The following SLC4A7 variants were observed in gnomAD, a reference collection of about 807,000 sequenced individuals.
SLC4A7 encodes solute carrier family 4 member 7.
SLC4A7 carries 51 observed loss-of-function variants against 137.6 expected under a neutral mutation model. The observed-to-expected ratio is 0.37, with a 90% CI of 0.30 to 0.47. The LOEUF is 0.47. SLC4A7 is among the 20% of genes least tolerant of loss of function. The probability of loss-of-function intolerance (pLI) is 1.00; values close to 1 mark genes in which losing one functional copy is unlikely to be tolerated. For synonymous variants in SLC4A7, 542 were observed against 518.6 expected, an observed-to-expected ratio of 1.05 and a Z score of -0.61; for missense variants, 1,247 against 1,525.4, an observed-to-expected ratio of 0.82 and a Z score of 3.04.
At chr3:27,399,025 G>T (rs1364927663) in intron 16 of SLC4A7, among the ~76,000 whole-genome samples, 2 of 147,978 alleles carry the variant, frequency 1.4e-5, no homozygotes, top group Admixed American at 1.3e-4. Flanking sequence ...AAAAAAAACT[G>T]AAAGGCAATC....
chr3:27,407,220 G>A (rs1007434495), intron 13 of SLC4A7, among the ~76,000 whole-genome samples: 3 of 149,970 alleles, frequency 2.0e-5, no homozygotes, highest in African/African-American at 4.9e-5. Flanking sequence ...GGTGGCTCAC[G>A]CCTGTAATCC....
At chr3:27,377,315 C>CTA (rs1461738813) in intron 25 of SLC4A7, among the ~76,000 whole-genome samples, 1 of 152,016 alleles carries the variant, frequency 6.6e-6, no homozygotes, top group Non-Finnish European at 1.5e-5. Context: ...TACATCTATT[C>CTA]TATATATTCT....
chr3:27,435,648 T>C (rs1436297879), intron 5 of SLC4A7, among the ~76,000 whole-genome samples: 1 of 152,192 alleles, frequency 6.6e-6, no homozygotes, highest in East Asian at 1.9e-4. Flanking sequence ...AAGAACAGCA[T>C]GGGCTACATG....
intron 1 of SLC4A7, among the ~76,000 whole-genome samples, chr3:27,476,895 A>C (rs115890251): frequency 3.3e-5 from 5 of 152,276 alleles, no homozygotes; most frequent in African/African-American, 4.8e-5. Context: ...TCCATTGAAC[A>C]AATATATTTG....
At chr3:27,449,188 C>T (rs1037438981) in intron 2 of SLC4A7, among the ~76,000 whole-genome samples, 3 of 151,926 alleles carry the variant, frequency 2.0e-5, no homozygotes, top group African/African-American at 7.2e-5. Flanking sequence ...GTATGAGCCA[C>T]CGCACCTGGC....
At chr3:27,419,231 G>C (rs2054689549) in intron 10 of SLC4A7, among the ~76,000 whole-genome samples, 2 of 151,988 alleles carry the variant, frequency 1.3e-5, no homozygotes, top group South Asian at 4.2e-4. Flanking sequence ...GTACAGAAAG[G>C]GAAACTGATG....
chr3:27,416,613 T>G (rs1051120780), intron 11 of SLC4A7, among the ~76,000 whole-genome samples: 2 of 152,200 alleles, frequency 1.3e-5, no homozygotes, highest in Non-Finnish European at 2.9e-5. Context: ...TTTCCAATGT[T>G]TATTGAAAAA....
intron 1 of SLC4A7, among the ~76,000 whole-genome samples, chr3:27,464,728 G>A (rs144510543): frequency 1.6e-4 from 25 of 152,020 alleles, no homozygotes; most frequent in African/African-American, 5.8e-4. Flanking sequence ...CAGCGCGGTC[G>A]CTAATGCCTG....
intron 16 of SLC4A7, among the ~76,000 whole-genome samples, chr3:27,399,388 A>T (rs991539937): frequency 1.6e-4 from 25 of 152,186 alleles, no homozygotes; most frequent in African/African-American, 5.8e-4. Context: ...TTCCTTAACA[A>T]AAATGACTTT....
At chr3:27,409,921 C>T (rs1396398570) in intron 12 of SLC4A7, among the ~76,000 whole-genome samples, 1 of 152,112 alleles carries the variant, frequency 6.6e-6, no homozygotes, top group Non-Finnish European at 1.5e-5. Flanking sequence ...TTAAAGGCAA[C>T]AATCACAAAT....
At chr3:27,424,299 T>C (rs561390062) in intron 7 of SLC4A7, 147 bp from the exon 8 acceptor site, 3 of 475,154 alleles carry the variant, frequency 6.3e-6, no homozygotes, top group Admixed American at 4.0e-5. Flanking sequence ...GTTAGTAACA[T>C]ACCAGCAAAA....
rs200370072 is a variant in SLC4A7, at chr3:27,452,410, A to G, written c.142+7T>C. 9 of 1,586,214 alleles carry G rather than the reference A, an allele frequency of 5.7e-6. No individual in the cohort carries two copies. The African/African-American group carries it at 1.2e-4, about 21-fold the overall frequency. ...TAAGCGAAGTAAGTTATTTTAAACC[A>G]ACTTACTTTCTAGTTCTTCTTTTTC... On this transcript the variant is annotated splice_region_variant and intron_variant, in intron 2 of 25. Coordinates refer to ENST00000454389, the MANE Select transcript of SLC4A7 (RefSeq NM_001321103.2).
intron 1 of SLC4A7, among the ~76,000 whole-genome samples, chr3:27,477,703 C>T (rs1323808406): frequency 6.6e-6 from 1 of 152,116 alleles, no homozygotes; most frequent in African/African-American, 2.4e-5. Flanking sequence ...CTCCTGGGTT[C>T]GAGCGATTCT....
chr3:27,376,870 A>T, intron 25 of SLC4A7, 25 bp from the exon 26 acceptor site: 1 of 1,162,468 alleles, frequency 8.6e-7, no homozygotes, highest in Non-Finnish European at 1.2e-6. Context: ...GAATTAAAAT[A>T]AATAATTTTA....
intron 8 of SLC4A7, among the ~76,000 whole-genome samples, chr3:27,423,197 T>C (rs940592226): frequency 3.9e-5 from 6 of 152,192 alleles, no homozygotes; most frequent in African/African-American, 1.4e-4. Context: ...TTCTGTAAAA[T>C]ATATCTTGTA....
intron 1 of SLC4A7, among the ~76,000 whole-genome samples, chr3:27,466,993 T>C (rs1026387862): frequency 1.3e-5 from 2 of 152,224 alleles, no homozygotes; most frequent in South Asian, 2.1e-4. Context: ...TCATACACTG[T>C]GGTTGTTACT....
intron 20 of SLC4A7, among the ~76,000 whole-genome samples, chr3:27,392,937 A>G (rs1365035117): frequency 6.6e-6 from 1 of 152,340 alleles, no homozygotes; most frequent in South Asian, 2.1e-4. Context: ...AATAATTTTC[A>G]TAAGACTGAA....
chr3:27,446,840 T>G (rs2057673209), intron 3 of SLC4A7, among the ~76,000 whole-genome samples: 1 of 151,514 alleles, frequency 6.6e-6, no homozygotes, highest in South Asian at 2.1e-4. Context: ...CTAGATTTAC[T>G]AGGTCATCAG....
intron 3 of SLC4A7, among the ~76,000 whole-genome samples, chr3:27,441,842 T>A (rs771469367): frequency 6.6e-6 from 1 of 152,138 alleles, no homozygotes; most frequent in Non-Finnish European, 1.5e-5. Context: ...GTCCATTTCA[T>A]GTAAATTATC....
Sources: allele counts gnomAD v4.1 joint callset (sites outside exome capture counted in the v4.1 genomes callset), GRCh38; gene constraint gnomAD v4.1.1; transcripts MANE v1.5; gene names NCBI Gene and HGNC (gene_info 2026-07-23, HGNC 2026-07-21).